ST13: variants seen among roughly 807,000 people sequenced by gnomAD.
ST13 encodes ST13 Hsp70 interacting protein.
ST13 carries 23 observed loss-of-function variants against 56.7 expected under a neutral mutation model. The observed-to-expected ratio is 0.41, with a 90% CI of 0.29 to 0.57. The LOEUF is 0.57. ST13 is among the 20% of genes least tolerant of loss of function. The pLI is 0.36. For missense variants in ST13, 369 were observed against 459.9 expected, an observed-to-expected ratio of 0.80 and a Z score of 1.81; for synonymous variants, 132 against 142.4, an observed-to-expected ratio of 0.93 and a Z score of 0.52.
intron 5 of ST13, among the ~76,000 whole-genome samples, chr22:40,839,534 G>GT (rs1436026113): frequency 6.6e-6 from 1 of 152,140 alleles, no homozygotes; most frequent in Admixed American, 6.5e-5. Flanking sequence ...GGAGGCAGAG[G>GT]CGGGCACATC....
chr22:40,826,231 T>C lies in ST13; in HGVS notation c.*307A>G, dbSNP rs1466272225. ...ATAATTCAAAGAAAAAAATCCAAAA[T>C]GATTAGTAAAGAAAAATATAAGAAT... On this transcript the variant is annotated 3_prime_UTR_variant, in exon 12 of 12. Transcript: ENST00000216218. 2 of 187,350 alleles carry C rather than the reference T, an allele frequency of 1.1e-5. No individual in the cohort carries two copies. The highest frequency in any genetic ancestry group is 4.7e-5 in the African/African-American group (2 of 42,682). The allele number at this position is 187,350 out of a possible 1,614,324, so 11.6% of individuals were successfully genotyped here. A position where few individuals can be genotyped will look rare whatever the true frequency, so the allele number is the denominator to read the frequency against.
intron 4 of ST13, 70 bp downstream of exon 4, chr22:40,844,769 T>C (rs1405929378): frequency 2.9e-5 from 38 of 1,317,164 alleles, no homozygotes; most frequent in Non-Finnish European, 3.9e-5. Context: ...AATCGTGTCA[T>C]AAAATCATTG....
intron 3 of ST13, among the ~76,000 whole-genome samples, chr22:40,846,577 T>A: frequency 6.6e-6 from 1 of 152,242 alleles, no homozygotes; most frequent in Admixed American, 6.5e-5. Flanking sequence ...AAAAAATTTA[T>A]TGTAGTTTTA....
chr22:40,829,779 G>C lies in ST13; in HGVS notation c.799-105C>G, dbSNP rs1027927449. 7.4e-5 allele frequency: 38 copies of C among 513,346 alleles called. No individual in the cohort carries two copies. In the East Asian group the frequency reaches 1.3e-3, roughly 18 times the overall value. 31.8% of individuals were successfully genotyped at this position (513,346 alleles called of 1,614,324 possible). A position where few individuals can be genotyped will look rare whatever the true frequency, so the allele number is the denominator to read the frequency against. Reference sequence around the variant, plus strand: ...GAAAAAATTGTAAAATAACCTAGTAGATGGCAATACTGAACTGAAGGATAT... The same window carrying C: ...GAAAAAATTGTAAAATAACCTAGTACATGGCAATACTGAACTGAAGGATAT... On this transcript the variant is annotated intron_variant, in intron 9 of 11. Transcript: ENST00000216218.
chr22:40,843,145 G>C (rs2057812626), intron 4 of ST13, among the ~76,000 whole-genome samples: 1 of 152,008 alleles, frequency 6.6e-6, no homozygotes, highest in African/African-American at 2.4e-5. Flanking sequence ...AAGACTTATG[G>C]GGAACACGTT....
At chr22:40,837,688 G>A in intron 5 of ST13, among the ~76,000 whole-genome samples, 1 of 152,108 alleles carries the variant, frequency 6.6e-6, no homozygotes, top group African/African-American at 2.4e-5. Flanking sequence ...TTGGAGTGCA[G>A]TGACACAATC....
chr22:40,836,105 C>G (rs917515560), intron 5 of ST13, among the ~76,000 whole-genome samples: 3 of 152,158 alleles, frequency 2.0e-5, no homozygotes, highest in African/African-American at 7.2e-5. Context: ...ACGTAAGCCC[C>G]TAACTAACAA....
Position 40,827,611 on chromosome 22 carries a change from G to T in ST13, c.848-382C>A, listed in dbSNP as rs1228747289. On this transcript the variant is annotated intron_variant, in intron 10 of 11. Transcript: ENST00000216218. Reference sequence around the variant, plus strand: ...TCCTGCCTCAGCCTTCTGAGTAGTTGAGACTACAGGCACGCACCACTATGC... The same window carrying T: ...TCCTGCCTCAGCCTTCTGAGTAGTTTAGACTACAGGCACGCACCACTATGC... Among the ~76,000 whole-genome samples the T allele has an allele frequency of 2.0e-5, 3 of 152,044 alleles. No homozygotes were observed. In the East Asian group the frequency reaches 5.8e-4, roughly 29 times the overall value.
At chr22:40,843,921 C>A (rs948201555) in intron 4 of ST13, among the ~76,000 whole-genome samples, 3 of 149,496 alleles carry the variant, frequency 2.0e-5, no homozygotes, top group African/African-American at 4.9e-5. Flanking sequence ...TTTGCTCTGT[C>A]GCTCAGGCTG....
In ST13 at chr22:40,825,587, C is replaced by A. The variant is rs1006081477; in HGVS notation, c.*951G>T. 2.6e-5 allele frequency: 4 copies of A among 152,034 alleles called. No individual in the cohort carries two copies. The highest frequency in any genetic ancestry group is 6.6e-5 in the Admixed American group (1 of 15,246). 9.4% of individuals were successfully genotyped at this position (152,034 alleles called of 1,614,324 possible). ...CATATGTATTACATATTAAATTAAA[C>A]TCAGCATTAAATATGCTTGTATAAT... is the stretch of plus-strand genomic sequence containing the variant. On this transcript the variant is annotated 3_prime_UTR_variant, in exon 12 of 12. Coordinates refer to ENST00000216218, the MANE Select transcript of ST13 (RefSeq NM_003932.5).
At chr22:40,841,761 CT>C (rs35486587) in intron 4 of ST13, among the ~76,000 whole-genome samples, 84,173 of 146,744 alleles carry the variant, frequency 0.57, 24,696 homozygotes, top group African/African-American at 0.71. Context: ...AAATGTTTTG[CT>C]TTTTTTTTTT....
At chr22:40,832,763 T>A in intron 7 of ST13, 92 bp from the exon 8 acceptor site, 1 of 956,364 alleles carries the variant, frequency 1.0e-6, no homozygotes, top group Non-Finnish European at 1.6e-6. Context: ...AGGATTGTTC[T>A]AAAACAGGCT....
chr22:40,838,112 T>C (rs2057786293), intron 5 of ST13, among the ~76,000 whole-genome samples: 1 of 152,178 alleles, frequency 6.6e-6, no homozygotes. Context: ...CTGCAGACCA[T>C]ACAATCTGTC....
intron 1 of ST13, 135 bp from the exon 2 acceptor site, chr22:40,851,015 A>T: frequency 1.6e-6 from 1 of 623,124 alleles, no homozygotes; most frequent in Non-Finnish European, 2.8e-6. Flanking sequence ...ACTCTCAATT[A>T]ATCTGAATGC....
intron 7 of ST13, 165 bp downstream of exon 7, chr22:40,835,395 C>A: frequency 2.1e-6 from 1 of 468,362 alleles, no homozygotes; most frequent in Non-Finnish European, 3.9e-6. Flanking sequence ...TTTCTTTTAC[C>A]TTTTAAGCAG....
At chr22:40,854,501 T>C (rs565915377) in intron 1 of ST13, 1 of 152,214 alleles carries the variant, frequency 6.6e-6, no homozygotes, top group Non-Finnish European at 1.5e-5. Context: ...TTGTTTTTGT[T>C]TGGGAGATAG....
chr22:40,845,874 C>T (rs1434176771), intron 3 of ST13, among the ~76,000 whole-genome samples: 1 of 152,110 alleles, frequency 6.6e-6, no homozygotes, highest in Non-Finnish European at 1.5e-5. Context: ...AAACTTGACG[C>T]ATGACTGACA....
At chr22:40,827,971 C>T (rs1321162261) in intron 10 of ST13, among the ~76,000 whole-genome samples, 1 of 152,136 alleles carries the variant, frequency 6.6e-6, no homozygotes, top group Non-Finnish European at 1.5e-5. Context: ...TTGTCTGTTT[C>T]AATTTAAAAT....
At position 40,830,905 on chromosome 22, in the gene ST13, G is replaced by A; in HGVS notation, c.733C>T (p.Arg245Ter). 1.9e-6 allele frequency: 3 copies of A among 1,604,788 alleles called. No homozygotes were observed. Among genetic ancestry groups the A allele is most frequent in the Non-Finnish European group, 2.5e-6 (3 of 1,179,336 alleles). Reference protein sequence around the residue: ...RRKYERKREEREIKERIERVK... With the variant: ...RRKYERKREE ...CGTTCTATTCTTTCTTTGATCTCTCGCTCTTCACGTTTTCGCTCATACTTT... is the reference window on the plus strand; with the variant it reads ...CGTTCTATTCTTTCTTTGATCTCTCACTCTTCACGTTTTCGCTCATACTTT... The change falls in exon 9 of 12, where the codon CGA becomes TGA. Residue 245 changes from arginine (R) to a stop codon, truncating the protein, a stop_gained. Transcript: ENST00000216218. LOFTEE classifies it high-confidence loss of function.
Sources: allele counts gnomAD v4.1 joint callset (sites outside exome capture counted in the v4.1 genomes callset), GRCh38; gene constraint gnomAD v4.1.1; transcripts MANE v1.5; gene names NCBI Gene and HGNC (gene_info 2026-07-23, HGNC 2026-07-21).